DDX43: variants seen among roughly 807,000 people sequenced by gnomAD.
The protein encoded by DDX43 is probable ATP-dependent RNA helicase DDX43.
DDX43 carries 50 observed loss-of-function variants against 84.9 expected under a neutral mutation model. That is an observed-to-expected ratio of 0.59 (90% CI 0.47 to 0.75). The LOEUF is 0.75. DDX43 is among the 30% of genes least tolerant of loss of function. DDX43 has a pLI of 0.00. For missense variants in DDX43, 689 were observed against 798.6 expected, an observed-to-expected ratio of 0.86 and a Z score of 1.65; for synonymous variants, 291 against 266.3, an observed-to-expected ratio of 1.09 and a Z score of -0.90.
At position 73,412,943 on chromosome 6, in the gene DDX43, G is replaced by A. The variant is rs377471068; in HGVS notation, c.1368+651G>A. 4.4e-4 allele frequency among the ~76,000 whole-genome samples: 67 copies of A among 152,224 alleles called. No individual in the cohort carries two copies. The East Asian group carries it at 0.011, about 25-fold the overall frequency. ...AGGGTTTTGCCATGTTGGCCAGGCT[G>A]GTCTCAAACTCCTGACCTCAGGCGA... On this transcript the variant is annotated intron_variant, in intron 11 of 16. Coordinates refer to ENST00000370336, the MANE Select transcript of DDX43 (RefSeq NM_018665.3).
chr6:73,410,915 C>T lies in DDX43; in HGVS notation c.1281-1290C>T, dbSNP rs532652235. 3.4e-3 allele frequency among the ~76,000 whole-genome samples: 513 copies of T among 151,734 alleles called. 5 individuals are homozygous for T. Among genetic ancestry groups the T allele is most frequent in the African/African-American group, 8.1e-3 (337 of 41,472 alleles). On this transcript the variant is annotated intron_variant, in intron 10 of 16. Transcript: ENST00000370336. ...TTAAAAGATTTTTATGGCCAGGCGCCGTGGCTCACGCCTGTAATCCCAGCA... is the reference window on the plus strand; with the variant it reads ...TTAAAAGATTTTTATGGCCAGGCGCTGTGGCTCACGCCTGTAATCCCAGCA...
chr6:73,415,216 T>C (rs1444548765), intron 14 of DDX43, among the ~76,000 whole-genome samples: 1 of 152,082 alleles, frequency 6.6e-6, no homozygotes, highest in Non-Finnish European at 1.5e-5. Flanking sequence ...GAGAATCACT[T>C]GAACCCATGA....
At chr6:73,408,134 G>T in intron 9 of DDX43, 33 bp downstream of exon 9, 1 of 1,607,950 alleles carries the variant, frequency 6.2e-7, no homozygotes, top group Non-Finnish European at 8.5e-7. Context: ...GAGATGCTGG[G>T]TTCAAAAATA....
intron 12 of DDX43, 53 bp downstream of exon 12, chr6:73,413,838 AT>A: frequency 1.9e-6 from 3 of 1,576,144 alleles, no homozygotes; most frequent in Non-Finnish European, 2.6e-6. Context: ...GATTAGGATC[AT>A]TTCTATTTGT....
chr6:73,413,284 T>C (rs1769839020), intron 11 of DDX43, among the ~76,000 whole-genome samples: 1 of 152,212 alleles, frequency 6.6e-6, no homozygotes, highest in Admixed American at 6.5e-5. Flanking sequence ...CTTACACCCC[T>C]TATTTCATTA....
chr6:73,399,932 G>C (rs1398147508), intron 2 of DDX43, among the ~76,000 whole-genome samples: 1 of 152,128 alleles, frequency 6.6e-6, no homozygotes, highest in Non-Finnish European at 1.5e-5. Context: ...TTACCTGTCA[G>C]GTTAGTGCCT....
At chr6:73,396,728 C>T (rs1033269595) in intron 1 of DDX43, among the ~76,000 whole-genome samples, 5 of 152,160 alleles carry the variant, frequency 3.3e-5, no homozygotes, top group African/African-American at 1.2e-4. Context: ...AACAGCTCCC[C>T]ATTTTTTCCT....
chr6:73,406,314 G>A lies in DDX43; in HGVS notation c.808-50G>A, dbSNP rs182205498. 80 of 1,388,508 alleles carry A rather than the reference G, an allele frequency of 5.8e-5. No homozygotes were observed. The African/African-American group carries it at 7.8e-4, about 14-fold the overall frequency. 86.0% of individuals were successfully genotyped at this position (1,388,508 alleles called of 1,614,324 possible). On this transcript the variant is annotated intron_variant, in intron 6 of 16. Transcript: ENST00000370336. ...TGGGATTACAGGCGTGAGCCACTGC[G>A]CCCAGCAAAAGATGTACTTTTTGTG... is the stretch of plus-strand genomic sequence containing the variant.
chr6:73,413,026 C>A (rs1769834062), intron 11 of DDX43, among the ~76,000 whole-genome samples: 2 of 152,188 alleles, frequency 1.3e-5, no homozygotes, highest in Non-Finnish European at 2.9e-5. Context: ...CCGCACCCAG[C>A]AAAGTCAGGG....
In DDX43 at chr6:73,394,967, C is replaced by T; in HGVS notation, c.62C>T (p.Ser21Leu). 6.2e-7 allele frequency: 1 copy of T among 1,614,232 alleles called. No individual in the cohort carries two copies. The highest frequency in any genetic ancestry group is 2.2e-5 in the East Asian group (1 of 44,892). Residue 21 changes from serine (S) to leucine (L), a missense_variant, in exon 1 of 17, where the codon TCG becomes TTG. Ser to Leu is a moderately radical substitution (Grantham distance 145). Around this residue, in one of 2 missense-constraint regions of DDX43, gnomAD observed 137 missense variants for 105.9 expected, o/e 1.29. Transcript: ENST00000370336. ...STWVVASRRS[S>L]TVSRAPERRP... is the part of the protein sequence containing the mutation. ...TGGGTCGTTGCTAGTCGGCGAAGCT[C>T]GACAGTGTCCCGAGCGCCAGAGAGG...
rs770554858 is a variant in DDX43 at position 73,406,440 on chromosome 6, G to A, written c.884G>A (p.Cys295Tyr). 3 of 1,613,336 alleles carry A rather than the reference G, an allele frequency of 1.9e-6. No individual in the cohort carries two copies. The highest frequency in any genetic ancestry group is 2.7e-5 in the African/African-American group (2 of 74,906). The change falls in exon 7 of 17, where the codon TGT (cysteine) becomes TAT (tyrosine). Residue 295 changes from cysteine (C) to tyrosine (Y), a missense_variant. This residue lies in a region of DDX43 where 552 missense variants were observed against 692.7 expected (regional missense o/e 0.80). Transcript: ENST00000370336. ...CAGACTGGAACAGGAAAGACATTGTGTTATTTAATGCCTGGATTTATTCAT... is the reference window on the plus strand; with the variant it reads ...CAGACTGGAACAGGAAAGACATTGTATTATTTAATGCCTGGATTTATTCAT... Reference protein sequence around the residue: ...VAQTGTGKTLCYLMPGFIHLV... With the variant: ...VAQTGTGKTLYYLMPGFIHLV...
intron 11 of DDX43, among the ~76,000 whole-genome samples, chr6:73,412,679 G>GCGCA (rs1554236162): frequency 3.2e-5 from 3 of 94,814 alleles, no homozygotes; most frequent in African/African-American, 8.1e-5. Flanking sequence ...GCGCGCGCGC[G>GCGCA]TGTGTGTGTG....
At chr6:73,413,809 C>G (rs1414146270) in intron 12 of DDX43, 24 bp downstream of exon 12, 7 of 1,599,076 alleles carry the variant, frequency 4.4e-6, no homozygotes, top group Non-Finnish European at 6.0e-6. Flanking sequence ...CTTGTGTGTC[C>G]ATTATAATTA....
chr6:73,397,148 G>A (rs1769488189), intron 1 of DDX43, among the ~76,000 whole-genome samples: 1 of 152,088 alleles, frequency 6.6e-6, no homozygotes, highest in South Asian at 2.1e-4. Context: ...TTCCATAGTG[G>A]CAGCACCATT....
At chr6:73,404,175 G>T (rs1187117531) in intron 4 of DDX43, among the ~76,000 whole-genome samples, 2 of 152,038 alleles carry the variant, frequency 1.3e-5, no homozygotes, top group African/African-American at 4.8e-5. Context: ...GAGTGCAATG[G>T]CGCTGTCTTG....
At chr6:73,412,843 G>A (rs1769829958) in intron 11 of DDX43, among the ~76,000 whole-genome samples, 1 of 152,064 alleles carries the variant, frequency 6.6e-6, no homozygotes, top group Admixed American at 6.6e-5. Flanking sequence ...TGATTCTTGT[G>A]CCTCAGCCTC....
At chr6:73,406,684 A>G (rs544024263) in intron 7 of DDX43, among the ~76,000 whole-genome samples, 1 of 152,228 alleles carries the variant, frequency 6.6e-6, no homozygotes, top group South Asian at 2.1e-4. Context: ...GGTAATATCT[A>G]CCAAAAGCCT....
At chr6:73,412,155 T>G in intron 10 of DDX43, 50 bp from the exon 11 acceptor site, 21 of 1,495,466 alleles carry the variant, frequency 1.4e-5, no homozygotes, top group Non-Finnish European at 1.9e-5. Context: ...TAAGGAAACA[T>G]AGTAATGTTT....
chr6:73,407,721 C>A, intron 8 of DDX43, 106 bp downstream of exon 8: 1 of 902,980 alleles, frequency 1.1e-6, no homozygotes, highest in Non-Finnish European at 1.8e-6. Context: ...ATCCAAATGG[C>A]TCAGCATGGG....
Sources: gnomAD v4.1 joint callset for allele counts (sites outside exome capture counted in the v4.1 genomes callset) on GRCh38, gnomAD v4.1.1 for gene constraint, gnomAD v4.1.1 regional missense constraint, MANE v1.5 for transcripts, NCBI Gene and HGNC (gene_info 2026-07-23, HGNC 2026-07-21) for gene names.